LPA: variants seen among roughly 807,000 people sequenced by gnomAD.
LPA encodes lipoprotein(a).
LPA carries 199 observed loss-of-function variants against 197.9 expected under a neutral mutation model. That is an observed-to-expected ratio of 1.01 (90% CI 0.90 to 1.13). The LOEUF (loss-of-function observed/expected upper bound fraction) is 1.13, where lower values mean the gene tolerates loss of function less well. LPA is among the 50% of genes most tolerant of loss of function. LPA has a pLI of 0.00. For synonymous variants in LPA, 715 were observed against 639.5 expected (o/e 1.12, Z -1.78); for missense variants, 1,853 against 1,785.8 (o/e 1.04, Z -0.68).
intron 18 of LPA, 38 bp from the exon 19 acceptor site, chr6:160,601,136 G>T: frequency 1.3e-6 from 2 of 1,593,416 alleles, no homozygotes; most frequent in Non-Finnish European, 8.6e-7. Context: ...CAAAAAATGG[G>T]TACATATGCA....
In LPA at chr6:160,606,618, C is replaced by T; in HGVS notation, c.2644G>A (p.Ala882Thr). ...MNYCRNPDPV[A>T]APYCYTRDPS... Reference sequence around the variant, plus strand: ...TCCCTCGTATAACAATAAGGGGCTGCCACAGGATCTGGATTCCTGCAGTAG... The same window carrying T: ...TCCCTCGTATAACAATAAGGGGCTGTCACAGGATCTGGATTCCTGCAGTAG... The change falls in exon 17 of 39, where the codon GCA becomes ACA. Residue 882 changes from alanine to threonine, a missense_variant. Around this residue, in one of 3 missense-constraint regions of LPA, gnomAD observed 1,737 missense variants for 1,504.4 expected, o/e 1.15. Transcript: ENST00000316300. 1 of 1,613,982 alleles carries T rather than the reference C, an allele frequency of 6.2e-7. No individual in the cohort carries two copies. Among genetic ancestry groups the T allele is most frequent in the Non-Finnish European group, 8.5e-7 (1 of 1,179,956 alleles).
In LPA at chr6:160,578,553, C is replaced by A. The variant is rs749421119; in HGVS notation, c.4441G>T (p.Val1481Phe). The change falls in exon 27 of 39, where the codon GTT becomes TTT. Residue 1481 changes from valine (V) to phenylalanine (F), a missense_variant. Coordinates refer to ENST00000316300, the MANE Select transcript of LPA (RefSeq NM_005577.4). ...TCAGAAGGAGCCTCTGTGCTTGGAA[C>A]CGGGGCCACTGTGGGAGTTGTGAGG... The part of the protein sequence containing the change: ...SVLTTPTVAP[V>F]PSTEAPSEQA... 14 of 1,613,770 alleles carry A rather than the reference C, an allele frequency of 8.7e-6. No homozygotes were observed. The highest frequency in any genetic ancestry group is 3.3e-5 in the Admixed American group (2 of 59,996).
intron 28 of LPA, among the ~76,000 whole-genome samples, chr6:160,568,755 A>T (rs1285195590): frequency 1.3e-5 from 2 of 152,230 alleles, no homozygotes; most frequent in African/African-American, 2.4e-5. Context: ...CTCAGACCAA[A>T]ATCTCCTTAA....
chr6:160,595,501 C>A lies in LPA; in HGVS notation c.3322G>T (p.Ala1108Ser), dbSNP rs1324497909. 1.2e-6 allele frequency: 2 copies of A among 1,614,008 alleles called. No individual in the cohort carries two copies. The highest frequency in any genetic ancestry group is 1.3e-5 in the African/African-American group (1 of 75,024). The change falls in exon 21 of 39, where the codon GCT (alanine) becomes TCT (serine). Residue 1108 changes from alanine (A) to serine (S), a missense_variant. Around this residue, in one of 3 missense-constraint regions of LPA, gnomAD observed 1,737 missense variants for 1,504.4 expected, o/e 1.15. Transcript: ENST00000316300. ...GTGTAACACCAAGGGCGAATCTCAG[C>A]ATCTGGATTCCTGCAGTAGTTCCTG... ...LTRNYCRNPD[A>S]EIRPWCYTMD...
Position 160,547,806 on chromosome 6 carries a change from C to A in LPA, c.5287G>T (p.Ala1763Ser). 6.2e-7 allele frequency: 1 copy of A among 1,614,048 alleles called. No individual in the cohort carries two copies. Among genetic ancestry groups the A allele is most frequent in the Non-Finnish European group, 8.5e-7 (1 of 1,179,996 alleles). ...TGGCTTACATTTTTTTCCAGACCTG[C>A]CCATTTATTTGTCCCTGGAATGAAC... ...STFIPGTNKW[A>S]GLEKNYCRNP... The change falls in exon 32 of 39, where the codon GCA (alanine) becomes TCA (serine). Residue 1763 changes from alanine (A) to serine (S), a missense_variant. Ala to Ser is a moderately conservative substitution (Grantham distance 99, BLOSUM62 1). Around this residue, in one of 3 missense-constraint regions of LPA, gnomAD observed 1,737 missense variants for 1,504.4 expected, o/e 1.15. Coordinates refer to ENST00000316300, the MANE Select transcript of LPA (RefSeq NM_005577.4).
chr6:160,650,674 C>T (rs902351801), intron 1 of LPA, among the ~76,000 whole-genome samples, 177 bp from the exon 2 acceptor site: 8 of 152,166 alleles, frequency 5.3e-5, no homozygotes, highest in South Asian at 2.1e-4. Flanking sequence ...CATTCTAGAA[C>T]TTTATTTAAT....
At position 160,556,146 on chromosome 6, in the gene LPA, G is replaced by A; in HGVS notation, c.4852C>T (p.His1618Tyr). The change falls in exon 30 of 39, where the codon CAT (histidine) becomes TAT (tyrosine). Residue 1618 changes from histidine to tyrosine, a missense_variant. Physicochemically the swap from His to Tyr is moderately conservative, Grantham distance 83 (BLOSUM62 2). Transcript: ENST00000316300. ...CCTCGATAACTCTGGCCATTACCAT[G>A]GTAGCACTGCCGGACCACAGGGGTT... is the stretch of plus-strand genomic sequence containing the variant. ...EQTPVVRQCY[H>Y]GNGQSYRGTF... 6.2e-7 allele frequency: 1 copy of A among 1,613,960 alleles called. No homozygotes were observed. The highest frequency in any genetic ancestry group is 8.5e-7 in the Non-Finnish European group (1 of 1,179,968).
chr6:160,575,200 T>C (rs1298838539), intron 28 of LPA, among the ~76,000 whole-genome samples: 4 of 152,212 alleles, frequency 2.6e-5, no homozygotes, highest in Non-Finnish European at 5.9e-5. Flanking sequence ...CTTTTTTTTC[T>C]TCATATTTGG....
At chr6:160,574,296 TCAGG>T (rs911617927) in intron 28 of LPA, among the ~76,000 whole-genome samples, 1 of 151,744 alleles carries the variant, frequency 6.6e-6, no homozygotes, top group Admixed American at 6.6e-5. Flanking sequence ...GGGGGGAAAG[TCAGG>T]CTTGAAAACT....
chr6:160,560,547 G>A (rs1480717625), intron 28 of LPA, among the ~76,000 whole-genome samples: 2 of 152,152 alleles, frequency 1.3e-5, no homozygotes, highest in Non-Finnish European at 2.9e-5. Flanking sequence ...TAACAGTGAT[G>A]ATGAGCTTTT....
chr6:160,549,800 C>T (rs918103544), intron 30 of LPA, among the ~76,000 whole-genome samples: 6 of 152,248 alleles, frequency 3.9e-5, no homozygotes, highest in African/African-American at 1.2e-4. Context: ...ACAGCCACTG[C>T]GGGACTGACA....
intron 37 of LPA, among the ~76,000 whole-genome samples, chr6:160,532,856 A>T (rs1777827727): frequency 6.6e-6 from 1 of 152,196 alleles, no homozygotes; most frequent in African/African-American, 2.4e-5. Flanking sequence ...TGGATTCAAC[A>T]ATCTGGGCTT....
intron 16 of LPA, among the ~76,000 whole-genome samples, chr6:160,610,673 A>G (rs1779480337): frequency 6.6e-6 from 1 of 152,282 alleles, no homozygotes; most frequent in South Asian, 2.1e-4. Flanking sequence ...TCTTATTTGT[A>G]GCGGACCTAG....
intron 16 of LPA, among the ~76,000 whole-genome samples, chr6:160,607,866 C>T (rs1048008041): frequency 7.2e-5 from 11 of 152,220 alleles, no homozygotes; most frequent in Admixed American, 6.5e-4. Flanking sequence ...ATACAATATA[C>T]CTCAGAGTTC....
At chr6:160,536,855 C>A (rs1777902825) in intron 37 of LPA, among the ~76,000 whole-genome samples, 1 of 152,220 alleles carries the variant, frequency 6.6e-6, no homozygotes. Flanking sequence ...TTGAAATTAT[C>A]TAAACCTGTG....
At chr6:160,605,633 G>A (rs933159820) in intron 17 of LPA, among the ~76,000 whole-genome samples, 1 of 152,160 alleles carries the variant, frequency 6.6e-6, no homozygotes, top group South Asian at 2.1e-4. Context: ...GGTGTTAGGG[G>A]CAGAGAAACG....
At position 160,547,883 on chromosome 6, in the gene LPA, G is replaced by A. The variant is rs754020853; in HGVS notation, c.5210C>T (p.Thr1737Ile). ...AGCCCATTCCTGGCATGGCGTCCCA[G>A]TAACAGTGGTTGCCTTCTTGCCCCG... ...GYRGKKATTV[T>I]GTPCQEWAAQ... The change falls in exon 32 of 39, where the codon ACT becomes ATT. Residue 1737 changes from threonine (T) to isoleucine (I), a missense_variant. Thr to Ile is a moderately conservative substitution (Grantham distance 89). Around this residue, in one of 3 missense-constraint regions of LPA, gnomAD observed 1,737 missense variants for 1,504.4 expected, o/e 1.15. Coordinates refer to ENST00000316300, the MANE Select transcript of LPA (RefSeq NM_005577.4). 6.2e-7 allele frequency: 1 copy of A among 1,614,078 alleles called. No homozygotes were observed. The highest frequency in any genetic ancestry group is 1.1e-5 in the South Asian group (1 of 91,074).
intron 20 of LPA, among the ~76,000 whole-genome samples, chr6:160,599,017 C>T (rs1779183852): frequency 6.6e-6 from 1 of 152,132 alleles, no homozygotes; most frequent in South Asian, 2.1e-4. Flanking sequence ...CTTCTGCTTC[C>T]ATAAAACTAG....
chr6:160,646,984 T>C (rs1014460204), intron 2 of LPA, among the ~76,000 whole-genome samples: 4 of 152,198 alleles, frequency 2.6e-5, no homozygotes, highest in African/African-American at 9.7e-5. Context: ...GCAAATAGTA[T>C]TACTGTCTGT....
Sources: gnomAD v4.1 joint callset for allele counts (sites outside exome capture counted in the v4.1 genomes callset) on GRCh38, gnomAD v4.1.1 for gene constraint, gnomAD v4.1.1 regional missense constraint, MANE v1.5 for transcripts, NCBI Gene and HGNC (gene_info 2026-07-23, HGNC 2026-07-21) for gene names.